Variants in INPP5K observed in about 807,000 individuals in gnomAD.
INPP5K encodes inositol polyphosphate 5-phosphatase K.
Under a neutral mutation model 53.5 loss-of-function variants are expected in INPP5K, and 35 were observed. That is an observed-to-expected ratio of 0.65 (90% CI 0.50 to 0.87). INPP5K has a LOEUF of 0.87. Among genes scored for constraint, INPP5K ranks in the 40% least tolerant of loss-of-function variants. The probability of loss-of-function intolerance (pLI) is 0.00; values close to 1 mark genes in which losing one functional copy is unlikely to be tolerated. For missense variants in INPP5K, 550 were observed against 586.2 expected, an observed-to-expected ratio of 0.94 and a Z score of 0.64; for synonymous variants, 253 against 232.8, an observed-to-expected ratio of 1.09 and a Z score of -0.79.
chr17:1,506,317 G>A (rs960000627), intron 7 of INPP5K, among the ~76,000 whole-genome samples: 1 of 152,144 alleles, frequency 6.6e-6, no homozygotes, highest in African/African-American at 2.4e-5. Context: ...GAGCCACCGC[G>A]CCCAGCCGGC....
intron 7 of INPP5K, among the ~76,000 whole-genome samples, chr17:1,502,894 T>A (rs2075061402): frequency 6.9e-6 from 1 of 145,658 alleles, no homozygotes. Flanking sequence ...TGCCCAGCTG[T>A]TTTTTTTTTC....
chr17:1,500,163 C>T (rs1440031470), intron 7 of INPP5K, among the ~76,000 whole-genome samples: 1 of 152,246 alleles, frequency 6.6e-6, no homozygotes, highest in Non-Finnish European at 1.5e-5. Context: ...AAGTTAAAGT[C>T]CCCAAGTAGG....
Position 1,494,743 on chromosome 17 carries a change from G to A in INPP5K, c.*1080C>T, listed in dbSNP as rs1220162852. ...TCAGTCCCAGGACACAGGATGGCAG[G>A]ACAAGCACTGAGCAGGCTCCCAGAG... On this transcript the variant is annotated 3_prime_UTR_variant, in exon 12 of 12. Transcript: ENST00000421807. 2 of 152,338 alleles carry A rather than the reference G, an allele frequency of 1.3e-5. No homozygotes were observed. Among genetic ancestry groups the A allele is most frequent in the Non-Finnish European group, 2.9e-5 (2 of 68,144 alleles). 9.4% of individuals were successfully genotyped at this position (152,338 alleles called of 1,614,324 possible).
rs1598393436 is a variant in INPP5K at position 1,513,898 on chromosome 17, G to A, written c.126C>T (p.Asn42=). 1.9e-6 allele frequency: 3 copies of A among 1,613,420 alleles called. No individual in the cohort carries two copies. The highest frequency in any genetic ancestry group is 2.5e-6 in the Non-Finnish European group (3 of 1,179,528). The stretch of plus-strand genomic sequence containing the variant: ...CAATAACATATATGTCAAGATTGAG[G>A]TTCCGGTTGTTCAGCTGAAGCAGGT... ...LSDLLQLNNR[N]LNLDIYVIGL... The change falls in exon 2 of 12, where the codon AAC becomes AAT. Residue 42 remains asparagine (N), a synonymous_variant. Coordinates refer to ENST00000421807, the MANE Select transcript of INPP5K (RefSeq NM_016532.4).
At chr17:1,503,077 G>A (rs1197979241) in intron 7 of INPP5K, among the ~76,000 whole-genome samples, 1 of 151,706 alleles carries the variant, frequency 6.6e-6, no homozygotes, top group Admixed American at 6.6e-5. Flanking sequence ...GTAGAGATGG[G>A]GTTTCACCAT....
intron 7 of INPP5K, among the ~76,000 whole-genome samples, chr17:1,502,871 G>C (rs1401214510): frequency 6.6e-6 from 1 of 151,708 alleles, no homozygotes; most frequent in Non-Finnish European, 1.5e-5. Flanking sequence ...TGGGACTTCA[G>C]GGGTACACAC....
chr17:1,507,255 C>G (rs1400620794), intron 6 of INPP5K, 166 bp from the exon 7 acceptor site: 1 of 582,368 alleles, frequency 1.7e-6, no homozygotes, highest in Non-Finnish European at 3.1e-6. Flanking sequence ...CCCACTCCCA[C>G]CAGAAAGCAG....
chr17:1,504,641 CT>C (rs2075111861), intron 7 of INPP5K, among the ~76,000 whole-genome samples: 1 of 152,202 alleles, frequency 6.6e-6, no homozygotes, highest in African/African-American at 2.4e-5. Flanking sequence ...CTTATATATT[CT>C]TTGAGACTCA....
Position 1,516,478 on chromosome 17 carries a change from C to A in INPP5K, c.22G>T (p.Gly8Trp). MSSRKLS[G>W]PKGRRLSIHV... ...CACCTGAGCCTCCTGCCTTTCGGCC[C>A]GCTCAGCTTCCGCGAGCTCATGGCC... The change falls in exon 1 of 12, where the codon GGG (glycine) becomes TGG (tryptophan). Residue 8 changes from glycine (G) to tryptophan (W), a missense_variant. Coordinates refer to ENST00000421807, the MANE Select transcript of INPP5K (RefSeq NM_016532.4). The A allele has an allele frequency of 6.3e-7, 1 of 1,588,886 alleles. No individual in the cohort carries two copies. Among genetic ancestry groups the A allele is most frequent in the Admixed American group, 1.7e-5 (1 of 59,224 alleles).
At position 1,494,759 on chromosome 17, in the gene INPP5K, G is replaced by C. The variant is rs1288781453; in HGVS notation, c.*1064C>G. On this transcript the variant is annotated 3_prime_UTR_variant, in exon 12 of 12. Coordinates refer to ENST00000421807, the MANE Select transcript of INPP5K (RefSeq NM_016532.4). ...GGATGGCAGGACAAGCACTGAGCAG[G>C]CTCCCAGAGGTGTCTTCTCCTGGGA... is the stretch of plus-strand genomic sequence containing the variant. The C allele has an allele frequency of 6.6e-6, 1 of 152,286 alleles. No individual in the cohort carries two copies. The highest frequency in any genetic ancestry group is 2.4e-5 in the African/African-American group (1 of 41,422). The allele number at this position is 152,286 out of a possible 1,614,324, so 9.4% of individuals were successfully genotyped here. A position where few individuals can be genotyped will look rare whatever the true frequency, so the allele number is the denominator to read the frequency against.
chr17:1,496,780 C>T lies in INPP5K; in HGVS notation c.987G>A (p.Pro329=), dbSNP rs546828253. ...GGTCCTCGGGCATCAGGACGATCAG[C>T]GGAGCAGACACCAATGGCTTCAGCT... ...DLELKPLVSA[P]LIVLMPEDLW... Residue 329 remains proline, a synonymous_variant, in exon 9 of 12, where the codon CCG becomes CCA. Coordinates refer to ENST00000421807, the MANE Select transcript of INPP5K (RefSeq NM_016532.4). 4.5e-5 allele frequency: 72 copies of T among 1,614,104 alleles called. 1 individual carries two copies. The highest frequency in any genetic ancestry group is 3.1e-4 in the South Asian group (28 of 91,068).
rs2074850609 is a variant in INPP5K, at chr17:1,496,596, C to T, written c.1101+70G>A. 5.0e-6 allele frequency: 8 copies of T among 1,590,572 alleles called. No individual in the cohort carries two copies. The Admixed American group carries it at 5.0e-5, about 10-fold the overall frequency. On this transcript the variant is annotated intron_variant, in intron 9 of 11. Coordinates refer to ENST00000421807, the MANE Select transcript of INPP5K (RefSeq NM_016532.4). ...TGAGTTCGTCAGCATCTGCCCAGCTCCCAGGAGCCCTCGGGAAGGATGAAC... is the reference window on the plus strand; with the variant it reads ...TGAGTTCGTCAGCATCTGCCCAGCTTCCAGGAGCCCTCGGGAAGGATGAAC...
At chr17:1,497,821 C>T in intron 8 of INPP5K, 115 bp downstream of exon 8, 1 of 918,270 alleles carries the variant, frequency 1.1e-6, no homozygotes, top group Non-Finnish European at 1.7e-6. Context: ...CAATCATGGC[C>T]TCCACAGGTC....
In INPP5K at chr17:1,516,573, C is replaced by T; in HGVS notation, c.-74G>A. Reference sequence around the variant, plus strand: ...CCAGCGGGTCCCGGCCAGAGCAGCCCTGCGGGCGGCCGGTCTCACGCGCCT... The same window carrying T: ...CCAGCGGGTCCCGGCCAGAGCAGCCTTGCGGGCGGCCGGTCTCACGCGCCT... On this transcript the variant is annotated 5_prime_UTR_variant, in exon 1 of 12. Transcript: ENST00000421807. The T allele has an allele frequency of 6.9e-7, 1 of 1,449,606 alleles. No homozygotes were observed. The highest frequency in any genetic ancestry group is 9.0e-7 in the Non-Finnish European group (1 of 1,109,378). The allele number at this position is 1,449,606 out of a possible 1,614,324, so 89.8% of individuals were successfully genotyped here.
chr17:1,515,055 T>C (rs1003294434), intron 1 of INPP5K, among the ~76,000 whole-genome samples: 4 of 152,022 alleles, frequency 2.6e-5, no homozygotes, highest in Admixed American at 2.0e-4. Flanking sequence ...TACAGGTGTG[T>C]GCCACCACAT....
chr17:1,502,275 G>A (rs2075044674), intron 7 of INPP5K, among the ~76,000 whole-genome samples: 1 of 152,182 alleles, frequency 6.6e-6, no homozygotes, highest in South Asian at 2.1e-4. Flanking sequence ...CGTGAACCCG[G>A]GAGACAGAGC....
Position 1,496,306 on chromosome 17 carries a change from G to T in INPP5K, c.1185+13C>A, listed in dbSNP as rs928339424. ...CCTGCCTGCTGGTGATGTACCTGGTGCTGGTGACGTACCTGGTTCAGGTTG... is the reference window on the plus strand; with the variant it reads ...CCTGCCTGCTGGTGATGTACCTGGTTCTGGTGACGTACCTGGTTCAGGTTG... On this transcript the variant is annotated intron_variant, in intron 10 of 11. Transcript: ENST00000421807. 3.2e-6 allele frequency: 5 copies of T among 1,554,180 alleles called. No individual in the cohort carries two copies. In the Middle Eastern group the frequency reaches 6.7e-4, roughly 208 times the overall value.
At chr17:1,502,034 CA>C (rs577456958) in intron 7 of INPP5K, among the ~76,000 whole-genome samples, 189 of 132,016 alleles carry the variant, frequency 1.4e-3, no homozygotes, top group Admixed American at 2.0e-3. Context: ...GACTCCATCT[CA>C]AAAAAAAAAA....
At chr17:1,502,121 G>C (rs150274876) in intron 7 of INPP5K, among the ~76,000 whole-genome samples, 1 of 151,674 alleles carries the variant, frequency 6.6e-6, no homozygotes, top group East Asian at 1.9e-4. Context: ...AGGCCAAGGC[G>C]GGCAGATCAT....
Sources: allele counts gnomAD v4.1 joint callset (sites outside exome capture counted in the v4.1 genomes callset), GRCh38; gene constraint gnomAD v4.1.1; transcripts MANE v1.5; gene names NCBI Gene and HGNC (gene_info 2026-07-23, HGNC 2026-07-21).